Variants in URGCP observed in about 807,000 individuals in gnomAD.
URGCP encodes the protein up-regulator of cell proliferation.
In URGCP, 13 loss-of-function variants were observed where a neutral mutation model predicts 24.6. The observed-to-expected ratio is 0.53, with a 90% CI of 0.34 to 0.84. The LOEUF (loss-of-function observed/expected upper bound fraction) is 0.84, where lower values mean the gene tolerates loss of function less well. URGCP is among the 40% of genes least tolerant of loss of function. The probability of loss-of-function intolerance (pLI) is 0.01; values close to 1 mark genes in which losing one functional copy is unlikely to be tolerated. For missense variants in URGCP, 899 were observed against 1,194.3 expected (o/e 0.75, Z 3.64); for synonymous variants, 444 against 487.2 (o/e 0.91, Z 1.17).
At chr7:43,887,974 A>G in intron 1 of URGCP, 158 bp from the exon 2 acceptor site, 1 of 597,908 alleles carries the variant, frequency 1.7e-6, no homozygotes, top group South Asian at 2.2e-5. Flanking sequence ...TTTGTGGACA[A>G]AAAGATGCTG....
rs775604222 is a variant in URGCP at position 43,877,162 on chromosome 7, T to G, written c.2301A>C (p.Arg767Ser). The change falls in exon 6 of 6, where the codon AGA becomes AGC. Residue 767 changes from arginine (R) to serine (S), a missense_variant. Coordinates refer to ENST00000453200, the MANE Select transcript of URGCP (RefSeq NM_001077663.3). ...TGGCCAAGGAAGCCTCCAGCTCAAA[T>G]CTGTCCCCAGCTGACGTCAAGGCCC... ...IGGALTSAGD[R>S]FELEASLATL... 1 of 1,614,166 alleles carries G rather than the reference T, an allele frequency of 6.2e-7. No homozygotes were observed. Among genetic ancestry groups the G allele is most frequent in the East Asian group, 2.2e-5 (1 of 44,880 alleles).
chr7:43,889,976 C>A (rs2095868065), intron 1 of URGCP, among the ~76,000 whole-genome samples: 1 of 151,120 alleles, frequency 6.6e-6, no homozygotes, highest in Non-Finnish European at 1.5e-5. Context: ...GTGATCTTGG[C>A]TCACTGCAAC....
chr7:43,883,363 T>TATA (rs1491392943), intron 3 of URGCP, among the ~76,000 whole-genome samples: 70 of 66,344 alleles, frequency 1.1e-3, no homozygotes, highest in East Asian at 0.01. Context: ...TATATATATA[T>TATA]TTTTTTTTTT....
intron 3 of URGCP, 78 bp downstream of exon 3, chr7:43,887,337 T>C (rs2095863641): frequency 1.2e-5 from 19 of 1,554,450 alleles, no homozygotes; most frequent in Middle Eastern, 1.7e-4. Context: ...CAGGAGGGGC[T>C]GGAACCCAGA....
chr7:43,898,098 C>A (rs1222256664), intron 1 of URGCP, among the ~76,000 whole-genome samples: 8 of 152,148 alleles, frequency 5.3e-5, no homozygotes, highest in Admixed American at 5.2e-4. Flanking sequence ...ATAGGAGAGA[C>A]CACTGTCGGC....
rs1373093218 is a variant in URGCP at position 43,879,267 on chromosome 7, A to G, written c.203-7T>C. On this transcript the variant is annotated splice_region_variant and splice_polypyrimidine_tract_variant and intron_variant, in intron 5 of 5. Coordinates refer to ENST00000453200, the MANE Select transcript of URGCP (RefSeq NM_001077663.3). ...TGAAGCCTGCTTCTCTCCACTGTGG[A>G]AAGAAATGAAGACATAAGTGCTCAC... 3 of 1,599,564 alleles carry G rather than the reference A, an allele frequency of 1.9e-6. No individual in the cohort carries two copies. Among genetic ancestry groups the G allele is most frequent in the Non-Finnish European group, 2.6e-6 (3 of 1,175,266 alleles).
Position 43,878,338 on chromosome 7 carries a change from G to A in URGCP, c.1125C>T (p.Ser375=). ...AGTATTTTGTGGTTGACTCCTTCAT[G>A]GAGTACAGCAATTTGTATTCCTTCT... ...ISKKEYKLLY[S]MKESTTKYYF... is the part of the protein sequence containing the mutation. The change falls in exon 6 of 6, where the codon TCC becomes TCT. Residue 375 remains serine (S), a synonymous_variant. Coordinates refer to ENST00000453200, the MANE Select transcript of URGCP (RefSeq NM_001077663.3). The surrounding 1 kb of genome is among the most constrained non-coding windows in gnomAD (Gnocchi z 5.6). The A allele has an allele frequency of 6.2e-7, 1 of 1,614,212 alleles. No homozygotes were observed. The highest frequency in any genetic ancestry group is 8.5e-7 in the Non-Finnish European group (1 of 1,180,036).
intron 1 of URGCP, among the ~76,000 whole-genome samples, chr7:43,902,396 C>A (rs1453119203): frequency 6.6e-6 from 1 of 152,226 alleles, no homozygotes; most frequent in Non-Finnish European, 1.5e-5. Flanking sequence ...CACAGCCCCA[C>A]TCGGACCCCA....
At chr7:43,887,057 A>G (rs1009957789) in intron 3 of URGCP, among the ~76,000 whole-genome samples, 3 of 152,216 alleles carry the variant, frequency 2.0e-5, no homozygotes, top group African/African-American at 7.2e-5. Context: ...TAAACTATAC[A>G]GTCACCTTAA....
Position 43,878,024 on chromosome 7 carries a change from G to A in URGCP, c.1439C>T (p.Thr480Ile), listed in dbSNP as rs780585167. The A allele has an allele frequency of 7.4e-6, 12 of 1,614,180 alleles. No individual in the cohort carries two copies. Among genetic ancestry groups the A allele is most frequent in the Non-Finnish European group, 9.3e-6 (11 of 1,180,048 alleles). ...QKAKDRMERI[T>I]RKIKDSDAYR... ...GGCATCCGAGTCTTTGATTTTCCTG[G>A]TAATCCTCTCCATCCGGTCTTTCGC... is the stretch of plus-strand genomic sequence containing the variant. The change falls in exon 6 of 6, where the codon ACC becomes ATC. Residue 480 changes from threonine (T) to isoleucine (I), a missense_variant. Transcript: ENST00000453200. The surrounding 1 kb of genome is among the most constrained non-coding windows in gnomAD (Gnocchi z 5.6).
At position 43,878,712 on chromosome 7, in the gene URGCP, G is replaced by A. The variant is rs766647021; in HGVS notation, c.751C>T (p.Arg251Trp). 1.4e-5 allele frequency: 22 copies of A among 1,613,928 alleles called. 1 individual carries two copies. The highest frequency in any genetic ancestry group is 1.3e-4 in the African/African-American group (10 of 74,930). The change falls in exon 6 of 6, where the codon CGG (arginine) becomes TGG (tryptophan). Residue 251 changes from arginine (R) to tryptophan (W), a missense_variant. By Grantham distance (101) the Arg-to-Trp change is moderately radical. Transcript: ENST00000453200. The surrounding 1 kb of genome is among the most constrained non-coding windows in gnomAD (Gnocchi z 5.6). ...CTGGACAAGACCACGCTGTCTTCCC[G>A]GAAGCTCCCCATGCCCCTTGGGGGC... ...SQPPRGMGSF[R>W]EDSVVLSRAP...
At chr7:43,880,258 T>G (rs137885624) in intron 5 of URGCP, among the ~76,000 whole-genome samples, 3 of 152,352 alleles carry the variant, frequency 2.0e-5, no homozygotes, top group African/African-American at 7.2e-5. Context: ...TATTAAAATA[T>G]TCAGTGCAGA....
chr7:43,906,908 C>G (rs748489483), upstream of URGCP: 4 of 192,934 alleles, frequency 2.1e-5, no homozygotes, highest in Non-Finnish European at 4.2e-5. Context: ...GAACTTCACA[C>G]CTTTCTGTAA....
rs1457907355 is a variant in URGCP, at chr7:43,878,061, C to G, written c.1402G>C (p.Glu468Gln). 1 of 1,614,250 alleles carries G rather than the reference C, an allele frequency of 6.2e-7. No homozygotes were observed. Among genetic ancestry groups the G allele is most frequent in the South Asian group, 1.1e-5 (1 of 91,090 alleles). ...LGLKVDEDCE[E>Q]CQKAKDRMER... Reference sequence around the variant, plus strand: ...ATCCGGTCTTTCGCTTTCTGACACTCCTCACAGTCCTCGTCGACCTTTAGG... The same window carrying G: ...ATCCGGTCTTTCGCTTTCTGACACTGCTCACAGTCCTCGTCGACCTTTAGG... Residue 468 changes from glutamate (E) to glutamine (Q), a missense_variant, in exon 6 of 6, where the codon GAG (glutamate) becomes CAG (glutamine). Glu to Gln is a conservative substitution (Grantham distance 29). Transcript: ENST00000453200. The surrounding 1 kb of genome is among the most constrained non-coding windows in gnomAD (Gnocchi z 5.6).
chr7:43,900,530 C>G (rs576388534), intron 1 of URGCP, among the ~76,000 whole-genome samples: 1 of 151,398 alleles, frequency 6.6e-6, no homozygotes, highest in Admixed American at 6.6e-5. Context: ...AAAACAGAAC[C>G]ACCACATCTG....
At chr7:43,919,336 C>T in intron 1 of URGCP, 1 of 838,728 alleles carries the variant, frequency 1.2e-6, no homozygotes, top group South Asian at 1.3e-5. Flanking sequence ...AACCAGATTG[C>T]CACAGACCAG....
chr7:43,895,833 C>A (rs2095877506), intron 1 of URGCP, among the ~76,000 whole-genome samples: 1 of 152,186 alleles, frequency 6.6e-6, no homozygotes, highest in African/African-American at 2.4e-5. Context: ...AGCAATCCCA[C>A]TACTATTTGT....
chr7:43,895,995 T>A (rs1044323200), intron 1 of URGCP, among the ~76,000 whole-genome samples: 1 of 152,214 alleles, frequency 6.6e-6, no homozygotes, highest in Non-Finnish European at 1.5e-5. Context: ...AGGAATACTA[T>A]TTAGCCATAA....
At chr7:43,896,003 T>TA (rs2095877751) in intron 1 of URGCP, among the ~76,000 whole-genome samples, 1 of 152,020 alleles carries the variant, frequency 6.6e-6, no homozygotes, top group South Asian at 2.1e-4. Context: ...TATTTAGCCA[T>TA]AAAAAAGAAT....
Sources: allele counts gnomAD v4.1 joint callset (sites outside exome capture counted in the v4.1 genomes callset), GRCh38; gene constraint gnomAD v4.1.1; non-coding constraint Gnocchi (gnomAD v3.1); transcripts MANE v1.5; gene names NCBI Gene and HGNC (gene_info 2026-07-23, HGNC 2026-07-21).